The following PPP1R9A variants were observed in gnomAD, a reference collection of about 807,000 sequenced individuals.
PPP1R9A encodes neurabin-1.
In PPP1R9A, 59 loss-of-function variants were observed where a neutral mutation model predicts 141.9. The observed-to-expected ratio is 0.42, with a 90% CI of 0.34 to 0.52. PPP1R9A has a LOEUF of 0.52. PPP1R9A is among the 20% of genes least tolerant of loss of function. PPP1R9A has a pLI of 0.10. For synonymous variants in PPP1R9A, 500 were observed against 569.7 expected (o/e 0.88, Z 1.74); for missense variants, 1,444 against 1,611.9 (o/e 0.90, Z 1.78).
chr7:95,062,438 A>G (rs1219063286), intron 2 of PPP1R9A, among the ~76,000 whole-genome samples: 1 of 127,088 alleles, frequency 7.9e-6, no homozygotes, highest in East Asian at 2.2e-4. Flanking sequence ...TTTTTTTTTT[A>G]GATGGAGTCT....
chr7:94,985,209 T>A (rs776527200), intron 2 of PPP1R9A, among the ~76,000 whole-genome samples: 6 of 152,142 alleles, frequency 3.9e-5, no homozygotes, highest in Non-Finnish European at 8.8e-5. Context: ...AGTTTATTAT[T>A]TCTGTTCTTT....
At chr7:95,085,669 C>T (rs1816526040) in intron 2 of PPP1R9A, among the ~76,000 whole-genome samples, 4 of 151,814 alleles carry the variant, frequency 2.6e-5, no homozygotes, top group Admixed American at 2.6e-4. Context: ...CCTGCCTTGG[C>T]CTCCCAAAGT....
At chr7:95,093,313 T>C (rs1817605517) in intron 2 of PPP1R9A, among the ~76,000 whole-genome samples, 2 of 152,168 alleles carry the variant, frequency 1.3e-5, no homozygotes. Flanking sequence ...CACTCAAGGC[T>C]GCAAAGGGAG....
intron 2 of PPP1R9A, among the ~76,000 whole-genome samples, chr7:95,078,431 C>T (rs949566045): frequency 6.6e-6 from 1 of 151,628 alleles, no homozygotes; most frequent in African/African-American, 2.4e-5. Context: ...AATAGTGCCG[C>T]AATAAACATA....
intron 2 of PPP1R9A, among the ~76,000 whole-genome samples, chr7:94,996,029 T>C (rs7800819): frequency 0.095 from 14,467 of 152,218 alleles, 770 homozygotes; most frequent in East Asian, 0.15. Context: ...CTCATAATTA[T>C]TTCACTAGTG....
chr7:94,972,853 G>A (rs575854568), intron 2 of PPP1R9A, among the ~76,000 whole-genome samples: 1 of 152,266 alleles, frequency 6.6e-6, no homozygotes, highest in South Asian at 2.1e-4. Context: ...GGGGAGACTG[G>A]ATCTTAGAGA....
At chr7:95,143,088 G>T (rs1252005176) in intron 4 of PPP1R9A, among the ~76,000 whole-genome samples, 1 of 152,076 alleles carries the variant, frequency 6.6e-6, no homozygotes, top group African/African-American at 2.4e-5. Flanking sequence ...GGCCCTCTTT[G>T]TTGAATTTGA....
intron 2 of PPP1R9A, among the ~76,000 whole-genome samples, chr7:95,006,522 T>C (rs1379138277): frequency 6.6e-6 from 1 of 152,100 alleles, no homozygotes; most frequent in Non-Finnish European, 1.5e-5. Context: ...AGAACATTTT[T>C]AATGCTTGTT....
intron 2 of PPP1R9A, among the ~76,000 whole-genome samples, chr7:95,070,879 G>C (rs187996446): frequency 6.6e-6 from 1 of 151,880 alleles, no homozygotes; most frequent in Admixed American, 6.6e-5. Context: ...GAATATTAGT[G>C]AACAATGACT....
At chr7:95,166,995 G>T (rs1481102047) in intron 5 of PPP1R9A, among the ~76,000 whole-genome samples, 2 of 152,010 alleles carry the variant, frequency 1.3e-5, no homozygotes, top group Admixed American at 6.6e-5. Context: ...AACAAAACAC[G>T]CATAGAAGGA....
chr7:95,090,959 C>G (rs1817268291), intron 2 of PPP1R9A, among the ~76,000 whole-genome samples: 1 of 151,956 alleles, frequency 6.6e-6, no homozygotes, highest in Admixed American at 6.6e-5. Context: ...TTCTGTGTCA[C>G]TGAATAACCT....
intron 2 of PPP1R9A, among the ~76,000 whole-genome samples, chr7:95,065,181 T>C (rs1438651358): frequency 6.6e-6 from 1 of 152,158 alleles, no homozygotes; most frequent in Non-Finnish European, 1.5e-5. Flanking sequence ...TTTTCCCACA[T>C]CAGCCTCCTG....
At position 95,268,708 on chromosome 7, in the gene PPP1R9A, G is replaced by C; in HGVS notation, c.2823+1G>C. On this transcript the variant is annotated splice_donor_variant, in intron 13 of 19. Transcript: ENST00000433360. LOFTEE classifies it high-confidence loss of function. The stretch of plus-strand genomic sequence containing the variant: ...TGGGGAGGACAGTCTAGAGAGAAAG[G>C]TGAGCACCCTTGACCGTTTCCTGAT... 6.2e-7 allele frequency: 1 copy of C among 1,612,392 alleles called. No homozygotes were observed. The highest frequency in any genetic ancestry group is 8.5e-7 in the Non-Finnish European group (1 of 1,178,868).
intron 2 of PPP1R9A, among the ~76,000 whole-genome samples, chr7:95,055,866 A>G (rs1376348025): frequency 6.6e-6 from 1 of 152,120 alleles, no homozygotes; most frequent in Admixed American, 6.6e-5. Flanking sequence ...CACATAAACC[A>G]TTGCATACCT....
At chr7:95,202,464 A>G in intron 6 of PPP1R9A, 1 of 255,730 alleles carries the variant, frequency 3.9e-6, no homozygotes, top group Non-Finnish European at 6.1e-6. Context: ...TTAAATGTAT[A>G]TCTGAATATA....
chr7:95,024,706 C>A (rs1013588067), intron 2 of PPP1R9A, among the ~76,000 whole-genome samples: 1 of 152,098 alleles, frequency 6.6e-6, no homozygotes, highest in Non-Finnish European at 1.5e-5. Flanking sequence ...ATACAGCACA[C>A]CGATAGGTTT....
At chr7:95,186,419 A>G (rs1834662251) in intron 5 of PPP1R9A, among the ~76,000 whole-genome samples, 1 of 152,102 alleles carries the variant, frequency 6.6e-6, no homozygotes, top group Non-Finnish European at 1.5e-5. Context: ...TTTTTGAATG[A>G]GTATTTAGTG....
chr7:95,070,157 T>C (rs369276894), intron 2 of PPP1R9A, among the ~76,000 whole-genome samples: 1 of 152,172 alleles, frequency 6.6e-6, no homozygotes, highest in Non-Finnish European at 1.5e-5. Flanking sequence ...TTGGTTTTCT[T>C]TGTTAACCTT....
rs1001895545 is a variant in PPP1R9A, at chr7:94,911,161, A to T, written c.1048A>T (p.Asn350Tyr). The T allele has an allele frequency of 1.2e-6, 2 of 1,614,142 alleles. No homozygotes were observed. The highest frequency in any genetic ancestry group is 1.7e-6 in the Non-Finnish European group (2 of 1,180,010). The change falls in exon 2 of 20, where the codon AAT becomes TAT. Residue 350 changes from asparagine (N) to tyrosine (Y), a missense_variant. Physicochemically the swap from Asn to Tyr is moderately radical, Grantham distance 143 (BLOSUM62 -2). Transcript: ENST00000433360. ...QSQLLEDAEA[N>Y]LVGREAAKQQ... ...CCAACTGTTAGAAGATGCTGAAGCT[A>T]ATTTGGTTGGAAGGGAGGCAGCAAA...
Sources: allele counts gnomAD v4.1 joint callset (sites outside exome capture counted in the v4.1 genomes callset), GRCh38; gene constraint gnomAD v4.1.1; transcripts MANE v1.5; gene names NCBI Gene and HGNC (gene_info 2026-07-23, HGNC 2026-07-21).